TRDN: variants seen among roughly 807,000 people sequenced by gnomAD.
The protein encoded by TRDN is triadin, also known as triadin in skeletal muscle.
A neutral mutation model predicts 149.7 loss-of-function variants in TRDN; 161 were observed. The observed-to-expected ratio is 1.08, with a 90% confidence interval of 0.95 to 1.23. TRDN has a LOEUF of 1.23. Among genes scored for constraint, TRDN ranks in the 50% most tolerant of loss-of-function variants. The pLI is 0.00. For missense variants in TRDN, 896 were observed against 823.5 expected (o/e 1.09, Z -1.08); for synonymous variants, 294 against 250.5 (o/e 1.17, Z -1.64).
At chr6:123,499,719 A>AAAAAAAAAAATATATAT in intron 8 of TRDN, among the ~76,000 whole-genome samples, 2 of 47,676 alleles carry the variant, frequency 4.2e-5, no homozygotes, top group Non-Finnish European at 4.5e-5. Flanking sequence ...AAAAAAAAAA[A>AAAAAAAAAAATATATAT]ATATATATAT....
At chr6:123,328,197 A>G (rs907077290) in intron 23 of TRDN, among the ~76,000 whole-genome samples, 3 of 152,318 alleles carry the variant, frequency 2.0e-5, no homozygotes, top group African/African-American at 4.8e-5. Flanking sequence ...AGTTAAATGT[A>G]TCAAGAATCT....
intron 4 of TRDN, among the ~76,000 whole-genome samples, chr6:123,541,767 T>A (rs1256836248): frequency 6.6e-6 from 1 of 152,192 alleles, no homozygotes; most frequent in Non-Finnish European, 1.5e-5. Context: ...ACAAGTTTAG[T>A]CATCTTTCCA....
chr6:123,624,568 G>T (rs1583341588), intron 1 of TRDN, among the ~76,000 whole-genome samples: 2 of 152,118 alleles, frequency 1.3e-5, no homozygotes, highest in East Asian at 3.9e-4. Context: ...TATGGACCCT[G>T]TCATGCTTTT....
In TRDN at chr6:123,334,703, AT is replaced by A. The variant is rs570666465; in HGVS notation, c.1421-2775del. 6.8e-3 allele frequency among the ~76,000 whole-genome samples: 1,019 copies of A among 149,890 alleles called. 9 individuals carry two copies. Among genetic ancestry groups the A allele is most frequent in the African/African-American group, 0.022 (903 of 40,892 alleles). On this transcript the variant is annotated intron_variant, in intron 22 of 40. Coordinates refer to ENST00000334268, the MANE Select transcript of TRDN (RefSeq NM_006073.4). ...GTTGGCAAGACATATCATTCTCCTG[AT>A]TTTTTTTTTCTTTGCAACGGTCATC...
intron 23 of TRDN, among the ~76,000 whole-genome samples, chr6:123,326,213 A>G (rs1310559278): frequency 2.0e-5 from 3 of 152,130 alleles, no homozygotes; most frequent in African/African-American, 7.2e-5. Flanking sequence ...CAAATTCAGA[A>G]TACAGGTTCA....
intron 9 of TRDN, among the ~76,000 whole-genome samples, chr6:123,496,090 A>C (rs1044955126): frequency 8.2e-5 from 12 of 146,932 alleles, no homozygotes; most frequent in African/African-American, 3.0e-4. Context: ...TAATATATTA[A>C]TATATAATAT....
At chr6:123,549,516 T>C (rs73536778) in intron 2 of TRDN, among the ~76,000 whole-genome samples, 4,940 of 152,150 alleles carry the variant, frequency 0.032, 105 homozygotes, top group African/African-American at 0.066. Flanking sequence ...TTCAGAGATT[T>C]TTCTCTCTTT....
intron 4 of TRDN, among the ~76,000 whole-genome samples, chr6:123,535,747 T>G (rs887416442): frequency 2.6e-5 from 4 of 152,182 alleles, no homozygotes; most frequent in Non-Finnish European, 5.9e-5. Context: ...CTAGTCACAT[T>G]TTTAGATTAT....
At chr6:123,496,147 T>C (rs1026501750) in intron 9 of TRDN, among the ~76,000 whole-genome samples, 2 of 147,302 alleles carry the variant, frequency 1.4e-5, no homozygotes, top group Non-Finnish European at 3.0e-5. Flanking sequence ...TAATATATAT[T>C]TAGTGACTTT....
chr6:123,331,865 T>C lies in TRDN; in HGVS notation c.1471+14A>G. ...CAGATCAATGTGGCTTCACATTTCA[T>C]TGTATAATATTACCTTTTTCCTTTA... is the stretch of plus-strand genomic sequence containing the variant. On this transcript the variant is annotated intron_variant, in intron 23 of 40. Coordinates refer to ENST00000334268, the MANE Select transcript of TRDN (RefSeq NM_006073.4). 3 of 1,507,938 alleles carry C rather than the reference T, an allele frequency of 2.0e-6. No individual in the cohort carries two copies. Among genetic ancestry groups the C allele is most frequent in the Admixed American group, 4.3e-5 (2 of 46,914 alleles). 93.4% of individuals were successfully genotyped at this position (1,507,938 alleles called of 1,614,324 possible).
At chr6:123,386,877 T>C (rs1781924715) in intron 14 of TRDN, among the ~76,000 whole-genome samples, 1 of 152,212 alleles carries the variant, frequency 6.6e-6, no homozygotes, top group South Asian at 2.1e-4. Flanking sequence ...GCTATGAAAG[T>C]AATAAATTGT....
At chr6:123,527,273 A>G (rs1246313763) in intron 5 of TRDN, among the ~76,000 whole-genome samples, 1 of 152,066 alleles carries the variant, frequency 6.6e-6, no homozygotes, top group Non-Finnish European at 1.5e-5. Context: ...CCTTTTATTT[A>G]TGACAAATAA....
At chr6:123,473,906 T>A (rs1777324214) in intron 9 of TRDN, among the ~76,000 whole-genome samples, 1 of 151,958 alleles carries the variant, frequency 6.6e-6, no homozygotes, top group Admixed American at 6.6e-5. Flanking sequence ...AGAGATTTTG[T>A]CACCACCAGG....
At chr6:123,635,131 C>T (rs185415633) in intron 1 of TRDN, among the ~76,000 whole-genome samples, 212 of 152,062 alleles carry the variant, frequency 1.4e-3, no homozygotes, top group South Asian at 2.5e-3. Context: ...AAGATTAAGA[C>T]GCTCGTAGCT....
intron 13 of TRDN, among the ~76,000 whole-genome samples, chr6:123,392,752 C>T (rs927931739): frequency 2.6e-5 from 4 of 151,990 alleles, no homozygotes; most frequent in South Asian, 2.1e-4. Context: ...CCAATATTTT[C>T]GGGGGTGATT....
chr6:123,454,493 C>T (rs1775984320), intron 10 of TRDN, among the ~76,000 whole-genome samples: 1 of 152,080 alleles, frequency 6.6e-6, no homozygotes, highest in Non-Finnish European at 1.5e-5. Flanking sequence ...ATACTTCATT[C>T]TCAGGTAAAA....
At chr6:123,606,236 A>G (rs1262788714) in intron 1 of TRDN, among the ~76,000 whole-genome samples, 1 of 139,646 alleles carries the variant, frequency 7.2e-6, no homozygotes, top group African/African-American at 2.6e-5. Context: ...AGTATCACTC[A>G]TATTATTTTT....
chr6:123,408,740 G>A (rs181775378), intron 12 of TRDN, among the ~76,000 whole-genome samples: 16 of 151,256 alleles, frequency 1.1e-4, no homozygotes, highest in East Asian at 1.9e-4. Flanking sequence ...ATACTCGACC[G>A]TCCCAGAAGT....
chr6:123,225,458 T>C (rs1331219045), intron 38 of TRDN, among the ~76,000 whole-genome samples: 3 of 151,654 alleles, frequency 2.0e-5, no homozygotes, highest in Non-Finnish European at 2.9e-5. Flanking sequence ...TTATCAAATA[T>C]ATTGTATGCT....
Sources: gnomAD v4.1 joint callset for allele counts (sites outside exome capture counted in the v4.1 genomes callset) on GRCh38, gnomAD v4.1.1 for gene constraint, MANE v1.5 for transcripts, NCBI Gene and HGNC (gene_info 2026-07-23, HGNC 2026-07-21) for gene names.